Variants in ATP8B4 observed in about 807,000 individuals in gnomAD.
ATP8B4 encodes ATPase phospholipid transporting 8B4 (putative), also known as probable phospholipid-transporting ATPase IM.
A neutral mutation model predicts 145.6 loss-of-function variants in ATP8B4; 133 were observed. The observed-to-expected ratio is 0.91, with a 90% CI of 0.79 to 1.05. The LOEUF is 1.05. Ranked by LOEUF, ATP8B4 falls within the 50% of genes least tolerant of loss-of-function variation. ATP8B4 has a pLI of 0.00. For synonymous variants in ATP8B4, 507 were observed against 492.9 expected, an observed-to-expected ratio of 1.03 and a Z score of -0.38; for missense variants, 1,458 against 1,425.2, an observed-to-expected ratio of 1.02 and a Z score of -0.37.
intron 10 of ATP8B4, among the ~76,000 whole-genome samples, chr15:49,981,991 T>C (rs2046194725): frequency 3.3e-5 from 5 of 152,168 alleles, no homozygotes; most frequent in African/African-American, 9.6e-5. Context: ...AATAAGAATA[T>C]TGAAAAATAT....
At position 49,859,923 on chromosome 15, in the gene ATP8B4, C is replaced by A; in HGVS notation, c.*271G>T. On this transcript the variant is annotated 3_prime_UTR_variant, in exon 28 of 28. Transcript: ENST00000284509. ...TTCTAAAGTTCAGGTCAATTGGTAT[C>A]TAGGTTGATTTAAAAAAAAAAAAAA... 2.5e-6 allele frequency: 1 copy of A among 402,454 alleles called. No homozygotes were observed. Among genetic ancestry groups the A allele is most frequent in the Non-Finnish European group, 4.4e-6 (1 of 229,816 alleles). The allele number at this position is 402,454 out of a possible 1,614,324, so 24.9% of individuals were successfully genotyped here.
chr15:50,106,966 T>TTA lies in ATP8B4; in HGVS notation c.-2_-1dup. 6.3e-7 allele frequency: 1 copy of TTA among 1,595,384 alleles called. No individual in the cohort carries two copies. The highest frequency in any genetic ancestry group is 8.5e-7 in the Non-Finnish European group (1 of 1,172,232). The stretch of plus-strand genomic sequence containing the variant: ...CGCAATTTCTTTTCACTGCAGAACA[T>TTA]TATTATACCTGATCTTTCACCAGGT... On this transcript the variant is annotated 5_prime_UTR_variant, in exon 2 of 28. Transcript: ENST00000284509.
chr15:50,004,501 C>T (rs370044814), intron 7 of ATP8B4, among the ~76,000 whole-genome samples: 22 of 152,288 alleles, frequency 1.4e-4, no homozygotes, highest in Admixed American at 8.5e-4. Flanking sequence ...GTAAATCCTA[C>T]GGGGACCCAA....
At chr15:50,047,127 G>A (rs2051786170) in intron 4 of ATP8B4, among the ~76,000 whole-genome samples, 1 of 152,172 alleles carries the variant, frequency 6.6e-6, no homozygotes, top group Non-Finnish European at 1.5e-5. Context: ...GCAAGGCTGT[G>A]TTTTAAAGTG....
chr15:50,155,108 C>T (rs1379172699), intron 1 of ATP8B4, among the ~76,000 whole-genome samples: 1 of 152,082 alleles, frequency 6.6e-6, no homozygotes, highest in African/African-American at 2.4e-5. Context: ...TTCTTGTTAA[C>T]TACTTTTATA....
rs1566884700 is a variant in ATP8B4, at chr15:49,861,473, T to TACCTAC, written c.3297+771_3297+772insGTAGGT. On this transcript the variant is annotated intron_variant, in intron 27 of 27. Transcript: ENST00000284509. ...GTCTGTCTATCTATCTATCTATCTA[T>TACCTAC]CTACCTACCTACCTACCTACCTACC... is the stretch of plus-strand genomic sequence containing the variant. Among the ~76,000 whole-genome samples, 689 of 135,502 alleles carry TACCTAC rather than the reference T, an allele frequency of 5.1e-3. 9 individuals carry two copies. Among genetic ancestry groups the TACCTAC allele is most frequent in the African/African-American group, 0.019 (637 of 33,684 alleles). The allele number at this position is 135,502 out of a possible 152,430, so 88.9% of individuals were successfully genotyped here.
intron 9 of ATP8B4, among the ~76,000 whole-genome samples, chr15:49,988,782 G>C (rs1359178833): frequency 6.6e-6 from 1 of 152,066 alleles, no homozygotes; most frequent in Non-Finnish European, 1.5e-5. Context: ...CTTCTTAGGG[G>C]GGTCCCCTTT....
At chr15:49,911,947 A>G (rs2039273364) in intron 20 of ATP8B4, among the ~76,000 whole-genome samples, 1 of 152,206 alleles carries the variant, frequency 6.6e-6, no homozygotes. Flanking sequence ...GGCCAATGAA[A>G]AAAGTAAGAT....
intron 8 of ATP8B4, among the ~76,000 whole-genome samples, chr15:49,999,655 A>G (rs1326145313): frequency 6.6e-6 from 1 of 152,160 alleles, no homozygotes; most frequent in Non-Finnish European, 1.5e-5. Flanking sequence ...AGTGATTTTC[A>G]GCATAAGAAA....
intron 4 of ATP8B4, among the ~76,000 whole-genome samples, chr15:50,046,902 A>T (rs974917179): frequency 2.0e-5 from 3 of 152,246 alleles, no homozygotes; most frequent in African/African-American, 7.2e-5. Flanking sequence ...GAAATAACAT[A>T]TAGCATCATC....
chr15:49,890,145 T>TG (rs1007192434), intron 23 of ATP8B4, among the ~76,000 whole-genome samples: 7 of 152,334 alleles, frequency 4.6e-5, no homozygotes, highest in Admixed American at 2.0e-4. Flanking sequence ...CTGTTGTTCC[T>TG]GGGGGGCCAT....
At chr15:49,872,331 T>C (rs1448715875) in intron 25 of ATP8B4, among the ~76,000 whole-genome samples, 1 of 152,126 alleles carries the variant, frequency 6.6e-6, no homozygotes, top group Admixed American at 6.5e-5. Flanking sequence ...CTGCTACAGT[T>C]TTAACATATA....
chr15:50,127,646 T>C (rs183601243), intron 1 of ATP8B4, among the ~76,000 whole-genome samples: 24 of 152,304 alleles, frequency 1.6e-4, no homozygotes, highest in Non-Finnish European at 2.4e-4. Flanking sequence ...CTTAGATAAA[T>C]AAACTGCTGC....
intron 20 of ATP8B4, among the ~76,000 whole-genome samples, chr15:49,904,918 A>T (rs2038434894): frequency 6.6e-6 from 1 of 152,236 alleles, no homozygotes; most frequent in African/African-American, 2.4e-5. Context: ...CTAATAACAA[A>T]ACACGTGATC....
intron 14 of ATP8B4, among the ~76,000 whole-genome samples, chr15:49,961,157 A>G (rs1014305423): frequency 6.6e-6 from 1 of 152,068 alleles, no homozygotes; most frequent in Non-Finnish European, 1.5e-5. Flanking sequence ...ATTATGAACC[A>G]GAAACTTACA....
At chr15:49,872,251 C>T (rs2033775439) in intron 25 of ATP8B4, among the ~76,000 whole-genome samples, 1 of 152,174 alleles carries the variant, frequency 6.6e-6, no homozygotes, top group African/African-American at 2.4e-5. Context: ...AATGTTGTCA[C>T]TGTGTGATCT....
intron 6 of ATP8B4, among the ~76,000 whole-genome samples, chr15:50,016,501 T>G (rs1421333861): frequency 6.6e-6 from 1 of 152,176 alleles, no homozygotes; most frequent in Non-Finnish European, 1.5e-5. Context: ...GATTAACACC[T>G]GTAAGAGAGG....
At chr15:50,030,390 G>A (rs762246620) in intron 6 of ATP8B4, among the ~76,000 whole-genome samples, 1 of 152,150 alleles carries the variant, frequency 6.6e-6, no homozygotes, top group African/African-American at 2.4e-5. Flanking sequence ...CGCTGCAATA[G>A]ATTTGAGTTC....
At chr15:49,954,594 C>A (rs1246394098) in intron 14 of ATP8B4, among the ~76,000 whole-genome samples, 1 of 152,096 alleles carries the variant, frequency 6.6e-6, no homozygotes, top group Non-Finnish European at 1.5e-5. Flanking sequence ...CATTAATCAT[C>A]AGAGAAATGC....
Sources: allele counts gnomAD v4.1 joint callset (sites outside exome capture counted in the v4.1 genomes callset), GRCh38; gene constraint gnomAD v4.1.1; transcripts MANE v1.5; gene names NCBI Gene and HGNC (gene_info 2026-07-23, HGNC 2026-07-21).